Variants in MROH6 observed in about 807,000 individuals in gnomAD.
The protein encoded by MROH6 is maestro heat like repeat family member 6.
Under a neutral mutation model 67.7 loss-of-function variants are expected in MROH6, and 62 were observed. The ratio of observed to expected loss-of-function variants is 0.92; its 90% CI spans 0.75 to 1.13. The LOEUF (loss-of-function observed/expected upper bound fraction) is 1.13. Ranked by LOEUF, MROH6 falls within the 50% of genes most tolerant of loss-of-function variation. The probability of loss-of-function intolerance (pLI) is 0.00; values close to 1 mark genes in which losing one functional copy is unlikely to be tolerated. For missense variants in MROH6, 1,175 were observed against 1,029.1 expected (o/e 1.14, Z -1.94); for synonymous variants, 566 against 470.8 (o/e 1.20, Z -2.62).
Position 143,568,273 on chromosome 8 carries a change from G to A in MROH6, c.1645-12C>T, listed in dbSNP as rs1037398573. 2.5e-6 allele frequency: 4 copies of A among 1,601,546 alleles called. No individual in the cohort carries two copies. Among genetic ancestry groups the A allele is most frequent in the Non-Finnish European group, 3.4e-6 (4 of 1,174,432 alleles). On this transcript the variant is annotated splice_polypyrimidine_tract_variant and intron_variant, in intron 10 of 13. Transcript: ENST00000398882. Reference sequence around the variant, plus strand: ...GTCCACTCTGAGCTCTGGGATAGGGGAAGTGAGCCGGGTCAGGGGTCCAGG... The same window carrying A: ...GTCCACTCTGAGCTCTGGGATAGGGAAAGTGAGCCGGGTCAGGGGTCCAGG...
At position 143,570,511 on chromosome 8, in the gene MROH6, C is replaced by G. The variant is rs763096689; in HGVS notation, c.867G>C (p.Trp289Cys). ...SPCSPDMPKI[W>C]VLSHRGPPHS... Reference sequence around the variant, plus strand: ...GTGGTGGCCCTCGGTGGGACAGAACCCAAATCTTGGGCATGTCGGGGGAGC... The same window carrying G: ...GTGGTGGCCCTCGGTGGGACAGAACGCAAATCTTGGGCATGTCGGGGGAGC... Residue 289 changes from tryptophan to cysteine, a missense_variant, in exon 5 of 14, where the codon TGG becomes TGC. Transcript: ENST00000398882. The G allele has an allele frequency of 1.2e-6, 2 of 1,612,808 alleles. No homozygotes were observed. The highest frequency in any genetic ancestry group is 1.7e-6 in the Non-Finnish European group (2 of 1,179,810).
Position 143,567,633 on chromosome 8 carries a change from G to A in MROH6, c.1911C>T (p.Asp637=). 1.3e-6 allele frequency: 2 copies of A among 1,570,324 alleles called. No homozygotes were observed. The highest frequency in any genetic ancestry group is 2.3e-5 in the South Asian group (2 of 85,484). ...CACCCTGGAACAGGGAGTCCAGCAG[G>A]TCCTGGTTGACACAGCCGGGGCTGG... ...HHASPGCVNQ[D]LLDSLFQDLG... The change falls in exon 13 of 14, where the codon GAC becomes GAT. Residue 637 remains aspartate, a synonymous_variant. Coordinates refer to ENST00000398882, the MANE Select transcript of MROH6 (RefSeq NM_001100878.2).
rs1356069644 is a variant in MROH6 at position 143,567,324 on chromosome 8, C to T, written c.2075G>A (p.Arg692Gln). The T allele has an allele frequency of 1.1e-5, 14 of 1,219,214 alleles. No homozygotes were observed. The Admixed American group carries it at 1.3e-4, about 11-fold the overall frequency. 75.5% of individuals were successfully genotyped at this position (1,219,214 alleles called of 1,614,324 possible). A position where few individuals can be genotyped will look rare whatever the true frequency, so the allele number is the denominator to read the frequency against. The change falls in exon 14 of 14, where the codon CGG becomes CAG. Residue 692 changes from arginine to glutamine, a missense_variant. By Grantham distance (43) the Arg-to-Gln change is conservative. Coordinates refer to ENST00000398882, the MANE Select transcript of MROH6 (RefSeq NM_001100878.2). ...GCTGTCGGCGAAGACTGGTGGGGGC[C>T]GGGCGGGGCGCGGGGCGATGCGGAG... Reference protein sequence around the residue: ...RLLRIAPRPARPPPVFADSPF... With the variant: ...RLLRIAPRPAQPPPVFADSPF...
At position 143,572,652 on chromosome 8, in the gene MROH6, C is replaced by A. The variant is rs1307067274; in HGVS notation, c.63G>T (p.Leu21=). The part of the protein sequence containing the change: ...AREAPVGALT[L]TALTEGIRAR... ...CCCGGATTCCTTCAGTCAGTGCTGT[C>A]AGGGTTAGAGCCCCCACGGGAGCCT... Residue 21 remains leucine, a synonymous_variant, in exon 1 of 14, where the codon CTG becomes CTT. Coordinates refer to ENST00000398882, the MANE Select transcript of MROH6 (RefSeq NM_001100878.2). The A allele has an allele frequency of 4.5e-6, 7 of 1,572,108 alleles. 1 individual carries two copies. In the South Asian group the frequency reaches 8.0e-5, roughly 18 times the overall value.
At chr8:143,568,822 G>A in intron 9 of MROH6, 103 bp from the exon 10 acceptor site, 2 of 881,468 alleles carry the variant, frequency 2.3e-6, no homozygotes, top group Non-Finnish European at 3.3e-6. Context: ...TCTAGGGAAG[G>A]CTGCTGACTC....
rs1449938167 is a variant in MROH6, at chr8:143,568,695, C to T, written c.1501G>A (p.Ala501Thr). 3 of 1,506,514 alleles carry T rather than the reference C, an allele frequency of 2.0e-6. No homozygotes were observed. The highest frequency in any genetic ancestry group is 2.8e-5 in the African/African-American group (2 of 71,442). 93.3% of individuals were successfully genotyped at this position (1,506,514 alleles called of 1,614,324 possible). The change falls in exon 10 of 14, where the codon GCC (alanine) becomes ACC (threonine). Residue 501 changes from alanine to threonine, a missense_variant. Transcript: ENST00000398882. ...DDTRDSIRASAVGLLGTLVRR... is the reference protein window; with the variant it reads ...DDTRDSIRASTVGLLGTLVRR... ...ACCAGAGTCCCAAGGAGCCCGACGG[C>T]CGAGGCGCGGATTGAGTCCCGTGTC...
At chr8:143,570,703 G>A (rs750753434) in intron 4 of MROH6, 46 bp from the exon 5 acceptor site, 4 of 1,545,842 alleles carry the variant, frequency 2.6e-6, no homozygotes, top group Non-Finnish European at 3.5e-6. Context: ...GCCTGGAGCT[G>A]CACTGGGCAG....
Position 143,570,562 on chromosome 8 carries a change from CTG to C in MROH6, c.814_815del (p.Gln272AlafsTer27). ...YPHLLLALVTQLHKLARSPCS... is the reference protein window; with the variant it reads ...YPHLLLALVTXLHKLARSPCS... ...ACGGGCTGCGGGCCAGCTTGTGCAGCTGTGTGACCAGCGCAAGCAGCAGATGT... is the reference window on the plus strand; with the variant it reads ...ACGGGCTGCGGGCCAGCTTGTGCAGCTGTGACCAGCGCAAGCAGCAGATGT... On this transcript the variant is annotated frameshift_variant, in exon 5 of 14. Transcript: ENST00000398882. LOFTEE classifies it high-confidence loss of function. 1.9e-6 allele frequency: 3 copies of C among 1,609,356 alleles called. No individual in the cohort carries two copies. The highest frequency in any genetic ancestry group is 2.5e-6 in the Non-Finnish European group (3 of 1,179,832).
In MROH6 at chr8:143,567,417, G is replaced by T; in HGVS notation, c.1982C>A (p.Ala661Glu). Residue 661 changes from alanine (A) to glutamate (E), a missense_variant, in exon 14 of 14, where the codon GCG becomes GAG. Transcript: ENST00000398882. ...CGCCACCTGCTGAGCGGACACGTGCGCTGCCGCGGCCACAGCCGGCTTGGG... is the reference window on the plus strand; with the variant it reads ...CGCCACCTGCTGAGCGGACACGTGCTCTGCCGCGGCCACAGCCGGCTTGGG... ...SDPKPAVAAAAHVSAQQVAML... is the reference protein window; with the variant it reads ...SDPKPAVAAAEHVSAQQVAML... 1 of 1,317,740 alleles carries T rather than the reference G, an allele frequency of 7.6e-7. No individual in the cohort carries two copies. The highest frequency in any genetic ancestry group is 9.7e-7 in the Non-Finnish European group (1 of 1,033,056). 81.6% of individuals were successfully genotyped at this position (1,317,740 alleles called of 1,614,324 possible).
chr8:143,571,653 G>A lies in MROH6; in HGVS notation c.602+14C>T. The A allele has an allele frequency of 1.3e-6, 2 of 1,560,282 alleles. No homozygotes were observed. Among genetic ancestry groups the A allele is most frequent in the Non-Finnish European group, 1.7e-6 (2 of 1,152,926 alleles). ...AGCCGCGTGGGGACCGCAGGGCCAG[G>A]ACGGTTGGGTTACCGATCGGCGGGC... is the stretch of plus-strand genomic sequence containing the variant. On this transcript the variant is annotated intron_variant, in intron 3 of 13. Transcript: ENST00000398882.
chr8:143,572,490 G>C lies in MROH6; in HGVS notation c.225C>G (p.Val75=). Residue 75 remains valine (V), a synonymous_variant, in exon 1 of 14, where the codon GTC becomes GTG. Coordinates refer to ENST00000398882, the MANE Select transcript of MROH6 (RefSeq NM_001100878.2). ...AGCAGGGCTCGCTGCCAGCTTCAGG[G>C]ACGGTGGCCCCACGTCCAGGCTCTG... is the stretch of plus-strand genomic sequence containing the variant. ...SEAEPGRGAT[V]PEAGSEPCSL... 2 of 1,604,364 alleles carry C rather than the reference G, an allele frequency of 1.2e-6. No individual in the cohort carries two copies. Among genetic ancestry groups the C allele is most frequent in the Non-Finnish European group, 1.7e-6 (2 of 1,177,366 alleles).
chr8:143,567,173 G>A lies in MROH6; in HGVS notation c.*66C>T. 1 of 932,902 alleles carries A rather than the reference G, an allele frequency of 1.1e-6. No homozygotes were observed. Among genetic ancestry groups the A allele is most frequent in the Admixed American group, 4.4e-5 (1 of 22,542 alleles). 57.8% of individuals were successfully genotyped at this position (932,902 alleles called of 1,614,324 possible). A position where few individuals can be genotyped will look rare whatever the true frequency, so the allele number is the denominator to read the frequency against. On this transcript the variant is annotated 3_prime_UTR_variant, in exon 14 of 14. Coordinates refer to ENST00000398882, the MANE Select transcript of MROH6 (RefSeq NM_001100878.2). Reference sequence around the variant, plus strand: ...CCAGGGAGCCCCTCCGTCAGGGCGGGGACAGGCTGCTATGCGCGTGGGGTG... The same window carrying A: ...CCAGGGAGCCCCTCCGTCAGGGCGGAGACAGGCTGCTATGCGCGTGGGGTG...
At chr8:143,569,654 C>G (rs1250208337) in intron 8 of MROH6, 40 bp from the exon 9 acceptor site, 20 of 1,598,272 alleles carry the variant, frequency 1.3e-5, no homozygotes, top group Non-Finnish European at 1.5e-5. Flanking sequence ...GACCTCGCCG[C>G]GACCGGGCCA....
chr8:143,572,458 T>C lies in MROH6; in HGVS notation c.257A>G (p.Asn86Ser), dbSNP rs1824110749. The C allele has an allele frequency of 2.5e-6, 4 of 1,598,746 alleles. No homozygotes were observed. The highest frequency in any genetic ancestry group is 2.2e-5 in the East Asian group (1 of 44,646). ...PEAGSEPCSL[N>S]SALEPAPEGP... The stretch of plus-strand genomic sequence containing the variant: ...CTCAGGGGCTGGTTCCAGGGCACTG[T>C]TGAGGGAGCAGGGCTCGCTGCCAGC... Residue 86 changes from asparagine to serine, a missense_variant, in exon 1 of 14, where the codon AAC (asparagine) becomes AGC (serine). Coordinates refer to ENST00000398882, the MANE Select transcript of MROH6 (RefSeq NM_001100878.2).
intron 4 of MROH6, 79 bp from the exon 5 acceptor site, chr8:143,570,736 A>G: frequency 6.8e-7 from 1 of 1,473,580 alleles, no homozygotes. Flanking sequence ...CGTGCTGTCA[A>G]CAGGATGGGG....
At chr8:143,568,333 G>C in intron 10 of MROH6, 72 bp from the exon 11 acceptor site, 2 of 1,531,626 alleles carry the variant, frequency 1.3e-6, no homozygotes, top group Non-Finnish European at 1.8e-6. Context: ...GGGAAGAGGG[G>C]GAGCAAGGGC....
chr8:143,572,055 C>T lies in MROH6; in HGVS notation c.425G>A (p.Arg142Gln), dbSNP rs779367478. 3.8e-5 allele frequency: 61 copies of T among 1,611,892 alleles called. No individual in the cohort carries two copies. The highest frequency in any genetic ancestry group is 1.7e-4 in the Admixed American group (10 of 59,844). Residue 142 changes from arginine to glutamine, a missense_variant, in exon 2 of 14, where the codon CGG (arginine) becomes CAG (glutamine). Transcript: ENST00000398882. ...GACCTGGTCCTCCAACCGCTCGCCCCGGGCCTCCAGGGCTGAGGACAGGGT... is the reference window on the plus strand; with the variant it reads ...GACCTGGTCCTCCAACCGCTCGCCCTGGGCCTCCAGGGCTGAGGACAGGGT... ...VLTLSSALEA[R>Q]GERLEDQVHA...
Position 143,567,482 on chromosome 8 carries a change from G to T in MROH6, c.1934-17C>A, listed in dbSNP as rs1397591642. ...GCCCTAGGTCTGCGAGGAGATCGCG[G>T]CTCAGGCTGGGGAGCCCAGGAGGGC... is the stretch of plus-strand genomic sequence containing the variant. On this transcript the variant is annotated splice_polypyrimidine_tract_variant and intron_variant, in intron 13 of 13. Transcript: ENST00000398882. 2.7e-5 allele frequency: 39 copies of T among 1,426,206 alleles called. No homozygotes were observed. The highest frequency in any genetic ancestry group is 3.2e-5 in the Non-Finnish European group (35 of 1,084,922). The allele number at this position is 1,426,206 out of a possible 1,614,324, so 88.3% of individuals were successfully genotyped here.
At position 143,572,069 on chromosome 8, in the gene MROH6, T is replaced by C. The variant is rs1214978834; in HGVS notation, c.411A>G (p.Ser137=). The change falls in exon 2 of 14, where the codon TCA becomes TCG. Residue 137 remains serine (S), a synonymous_variant. Transcript: ENST00000398882. ...ACCGCTCGCCCCGGGCCTCCAGGGC[T>C]GAGGACAGGGTGAGCACTGTCGCCT... ...GTQATVLTLS[S]ALEARGERLE... is the part of the protein sequence containing the mutation. The C allele has an allele frequency of 1.9e-6, 3 of 1,612,420 alleles. No individual in the cohort carries two copies. The highest frequency in any genetic ancestry group is 2.5e-6 in the Non-Finnish European group (3 of 1,179,676).
Sources: allele counts gnomAD v4.1 joint callset, GRCh38; gene constraint gnomAD v4.1.1; transcripts MANE v1.5; gene names NCBI Gene and HGNC (gene_info 2026-07-23, HGNC 2026-07-21).